Variants in GRK7 observed in about 807,000 individuals in gnomAD.
The protein encoded by GRK7 is G protein-coupled receptor kinase 7.
A neutral mutation model predicts 34.1 loss-of-function variants in GRK7; 24 were observed. The ratio of observed to expected loss-of-function variants is 0.70; its 90% CI spans 0.51 to 0.99. The LOEUF is 0.99. Ranked by LOEUF, GRK7 falls within the 50% of genes least tolerant of loss-of-function variation. GRK7 has a pLI of 0.00. For missense variants in GRK7, 644 were observed against 707.3 expected (o/e 0.91, Z 1.02); for synonymous variants, 256 against 279.4 (o/e 0.92, Z 0.84).
At chr3:141,777,084 T>G (rs2084643313) in intron 2 of GRK7, among the ~76,000 whole-genome samples, 1 of 152,114 alleles carries the variant, frequency 6.6e-6, no homozygotes, top group Non-Finnish European at 1.5e-5. Flanking sequence ...CGTCTGAAAC[T>G]TCACTGCTCT....
At chr3:141,771,691 T>C (rs1208323399) in intron 1 of GRK7, among the ~76,000 whole-genome samples, 1 of 148,766 alleles carries the variant, frequency 6.7e-6, no homozygotes, top group Non-Finnish European at 1.5e-5. Flanking sequence ...CTCCCAAATC[T>C]ATTTTTTTTT....
At chr3:141,780,285 C>A (rs2084665266) in intron 3 of GRK7, 89 bp from the exon 4 acceptor site, 1 of 1,140,244 alleles carries the variant, frequency 8.8e-7, no homozygotes, top group Non-Finnish European at 1.2e-6. Flanking sequence ...TGCCTAACAT[C>A]TTTCCACCCA....
intron 1 of GRK7, among the ~76,000 whole-genome samples, chr3:141,768,890 G>A (rs78051261): frequency 2.4e-3 from 358 of 152,192 alleles, no homozygotes; most frequent in African/African-American, 8.2e-3. Context: ...CTTCTCTCCA[G>A]CTTCCCTTCT....
In GRK7 at chr3:141,818,708, C is replaced by A. The variant is rs1023896544; in HGVS notation, c.*1658C>A. 6.6e-6 allele frequency among the ~76,000 whole-genome samples: 1 copy of A among 151,998 alleles called. No homozygotes were observed. The highest frequency in any genetic ancestry group is 2.4e-5 in the African/African-American group (1 of 41,352). ...AGGATGTATGTGCACATAATAAAAT[C>A]TAAATTTATCCCAGTGGTAAAAAAA... is the stretch of plus-strand genomic sequence containing the variant. On this transcript the variant is annotated 3_prime_UTR_variant, in exon 6 of 6. Transcript: ENST00000682958.
the GRK7 span, among the ~76,000 whole-genome samples, chr3:141,752,576 G>A: frequency 6.6e-6 from 1 of 152,116 alleles, no homozygotes; most frequent in Admixed American, 6.5e-5. Flanking sequence ...GCTAAAATAT[G>A]GCCATTGATA....
At chr3:141,753,413 A>G in the GRK7 span, among the ~76,000 whole-genome samples, 89 of 152,260 alleles carry the variant, frequency 5.8e-4, 1 homozygote, top group Non-Finnish European at 8.1e-4. Flanking sequence ...ATGGAAGACA[A>G]TTTTTCCACA....
Position 141,778,421 on chromosome 3 carries a change from C to A in GRK7, c.137C>A (p.Ala46Glu), listed in dbSNP as rs759235194. The change falls in exon 3 of 6, where the codon GCG becomes GAG. Residue 46 changes from alanine (A) to glutamate (E), a missense_variant. Ala to Glu is a moderately radical substitution (Grantham distance 107, BLOSUM62 -1). Transcript: ENST00000682958. The surrounding 1 kb of genome is among the most constrained non-coding windows in gnomAD (Gnocchi z 4.1). ...GCCCTGCCCGGGCTGCAGGGCTGCG[C>A]GGAGCTCCGCCAGAAGCTGTCCCTG... ...SLALPGLQGC[A>E]ELRQKLSLNF... is the part of the protein sequence containing the mutation. The A allele has an allele frequency of 1.8e-5, 29 of 1,612,766 alleles. No individual in the cohort carries two copies. Among genetic ancestry groups the A allele is most frequent in the Non-Finnish European group, 2.5e-5 (29 of 1,179,810 alleles).
In GRK7 at chr3:141,780,437, C is replaced by A. The variant is rs35566288; in HGVS notation, c.676C>A (p.Arg226=). 4.3e-6 allele frequency: 7 copies of A among 1,614,056 alleles called. No individual in the cohort carries two copies. The highest frequency in any genetic ancestry group is 1.1e-5 in the South Asian group (1 of 91,092). ...MYACKKLDKK[R]LKKKGGEKMA... is the part of the protein sequence containing the mutation. ...TGCCTGTAAGAAACTGGACAAGAAG[C>A]GGCTGAAGAAGAAAGGTGGCGAGAA... Residue 226 remains arginine, a synonymous_variant, in exon 4 of 6, where the codon CGG becomes AGG. Coordinates refer to ENST00000682958, the MANE Select transcript of GRK7 (RefSeq NM_139209.3).
chr3:141,757,129 C>CTTTTTTTTTCTTTTTTTT, the GRK7 span, among the ~76,000 whole-genome samples: 1 of 101,362 alleles, frequency 9.9e-6, no homozygotes, highest in Non-Finnish European at 1.9e-5. Context: ...AGATCTTCTT[C>CTTTTTTTTTCTTTTTTTT]TTTTTTTTTT....
chr3:141,778,882 G>A lies in GRK7; in HGVS notation c.598G>A (p.Gly200Ser), dbSNP rs771982384. Residue 200 changes from glycine (G) to serine (S), a missense_variant, in exon 3 of 6, where the codon GGT (glycine) becomes AGT (serine). By Grantham distance (56) the Gly-to-Ser change is moderately conservative. Transcript: ENST00000682958. This position sits in a 1 kb window ranked among gnomAD's most constrained non-coding sequence, Gnocchi z 4.1. ...CACTGAGTTCAGAGTGCTGGGGAAA[G>A]GTGGTTTTGGGGAGGTAAGTGTCTC... ...YFTEFRVLGK[G>S]GFGEVCAVQV... 1.9e-6 allele frequency: 3 copies of A among 1,610,240 alleles called. No individual in the cohort carries two copies. The highest frequency in any genetic ancestry group is 2.5e-6 in the Non-Finnish European group (3 of 1,178,220).
Position 141,763,788 on chromosome 3 carries a change from C to T in GRK7, c.-2165C>T, listed in dbSNP as rs2084567799. ...TACATTCCCTTTTATTCCTGCAACTCCCACCCCTTCCTGACTTCTGAAACT... is the reference window on the plus strand; with the variant it reads ...TACATTCCCTTTTATTCCTGCAACTTCCACCCCTTCCTGACTTCTGAAACT... On this transcript the variant is annotated 5_prime_UTR_variant, in exon 1 of 6. Transcript: ENST00000682958. Among the ~76,000 whole-genome samples the T allele has an allele frequency of 6.6e-6, 1 of 152,156 alleles. No individual in the cohort carries two copies.
At position 141,765,663 on chromosome 3, in the gene GRK7, ACCACCCCAGCTCTCCCAGCTGAGCTCAG is replaced by A. The variant is rs1485132227; in HGVS notation, c.-283_-256del. ...GGAGGAAACACTGCAGAGAGGCTCA[ACCACCCCAGCTCTCCCAGCTGAGCTCAG>A]CCACCCACCGATCCCCCAGCTGAAT... On this transcript the variant is annotated 5_prime_UTR_variant, in exon 1 of 6. Transcript: ENST00000682958. Among the ~76,000 whole-genome samples, 1 of 152,054 alleles carries A rather than the reference ACCACCCCAGCTCTCCCAGCTGAGCTCAG, an allele frequency of 6.6e-6. No homozygotes were observed. Among genetic ancestry groups the A allele is most frequent in the Non-Finnish European group, 1.5e-5 (1 of 68,004 alleles).
chr3:141,787,400 G>T (rs953047736), intron 4 of GRK7, among the ~76,000 whole-genome samples: 1 of 152,090 alleles, frequency 6.6e-6, no homozygotes, highest in Non-Finnish European at 1.5e-5. Flanking sequence ...GAGGCGGGTG[G>T]ATCACCTGAG....
At chr3:141,766,415 G>A (rs990286861) in intron 1 of GRK7, among the ~76,000 whole-genome samples, 5 of 151,908 alleles carry the variant, frequency 3.3e-5, no homozygotes, top group African/African-American at 1.2e-4. Context: ...CACCCGCCTC[G>A]GCCTCCCAAA....
At chr3:141,790,628 A>G (rs148639284) in intron 4 of GRK7, among the ~76,000 whole-genome samples, 1,740 of 150,654 alleles carry the variant, frequency 0.012, 31 homozygotes, top group African/African-American at 0.04. Context: ...CAATGGCACA[A>G]TCTTGGCTCA....
At chr3:141,754,406 C>T in the GRK7 span, among the ~76,000 whole-genome samples, 4 of 148,032 alleles carry the variant, frequency 2.7e-5, no homozygotes, top group South Asian at 2.1e-4. Flanking sequence ...GACTTGTACT[C>T]GGTGAAGGGC....
rs868864461 is a variant in GRK7, at chr3:141,778,317, C to T, written c.33C>T (p.Ile11=). MVDMGALDNL[I]ANTAYLQARK... ...ACATGGGGGCCCTGGACAACCTGAT[C>T]GCCAACACCGCCTACCTGCAGGCCC... Residue 11 remains isoleucine, a synonymous_variant, in exon 3 of 6, where the codon ATC becomes ATT. Coordinates refer to ENST00000682958, the MANE Select transcript of GRK7 (RefSeq NM_139209.3). The surrounding 1 kb of genome is among the most constrained non-coding windows in gnomAD (Gnocchi z 4.1). 3 of 1,591,318 alleles carry T rather than the reference C, an allele frequency of 1.9e-6. No individual in the cohort carries two copies. Among genetic ancestry groups the T allele is most frequent in the Non-Finnish European group, 2.6e-6 (3 of 1,166,680 alleles).
chr3:141,801,855 C>T (rs1459603073), intron 4 of GRK7, among the ~76,000 whole-genome samples: 1 of 152,020 alleles, frequency 6.6e-6, no homozygotes, highest in African/African-American at 2.4e-5. Context: ...ATTATTCTGC[C>T]TCTGTTTTGT....
At chr3:141,789,046 C>T (rs2084710490) in intron 4 of GRK7, among the ~76,000 whole-genome samples, 1 of 152,102 alleles carries the variant, frequency 6.6e-6, no homozygotes, top group South Asian at 2.1e-4. Context: ...AACTCCTGGC[C>T]TCATGTGATC....
Sources: gnomAD v4.1 joint callset for allele counts (sites outside exome capture counted in the v4.1 genomes callset) on GRCh38, gnomAD v4.1.1 for gene constraint, Gnocchi (gnomAD v3.1) non-coding constraint, MANE v1.5 for transcripts, NCBI Gene and HGNC (gene_info 2026-07-23, HGNC 2026-07-21) for gene names.